Variants in SNW1 observed in about 807,000 individuals in gnomAD.
SNW1 encodes SNW domain-containing protein 1.
SNW1 carries 9 observed loss-of-function variants against 75.6 expected under a neutral mutation model. The ratio of observed to expected loss-of-function variants is 0.12; its 90% CI spans 0.07 to 0.21. The LOEUF (loss-of-function observed/expected upper bound fraction) is 0.21. Ranked by LOEUF, SNW1 falls within the 10% of genes least tolerant of loss-of-function variation. SNW1 has a pLI of 1.00. For synonymous variants in SNW1, 200 were observed against 219.1 expected, an observed-to-expected ratio of 0.91 and a Z score of 0.77; for missense variants, 409 against 670.9, an observed-to-expected ratio of 0.61 and a Z score of 4.31.
At chr14:77,745,618 A>C (rs1376388306) in intron 3 of SNW1, among the ~76,000 whole-genome samples, 1 of 151,974 alleles carries the variant, frequency 6.6e-6, no homozygotes, top group African/African-American at 2.4e-5. Context: ...GAGGCAGGAG[A>C]ACTGCTTGAA....
Position 77,731,746 on chromosome 14 carries a change from A to G in SNW1, c.892-617T>C, listed in dbSNP as rs1335811866. ...AATTCCATAATATTTATATTTACAT[A>G]TATTTTTTGAGATGAAGTGTCTTAC... On this transcript the variant is annotated intron_variant, in intron 9 of 13. Coordinates refer to ENST00000261531, the MANE Select transcript of SNW1 (RefSeq NM_012245.3). 3.3e-5 allele frequency among the ~76,000 whole-genome samples: 5 copies of G among 152,114 alleles called. No individual in the cohort carries two copies. In the East Asian group the frequency reaches 9.6e-4, roughly 29 times the overall value.
chr14:77,745,294 A>G (rs765068958), intron 3 of SNW1, among the ~76,000 whole-genome samples: 1 of 152,182 alleles, frequency 6.6e-6, no homozygotes, highest in African/African-American at 2.4e-5. Flanking sequence ...CAGAGAATGA[A>G]TAAGGGTAGA....
chr14:77,738,999 G>C lies in SNW1; in HGVS notation c.393C>G (p.Asp131Glu). ...PKEVMNADDP[D>E]LQRPDEEAIK... Reference sequence around the variant, plus strand: ...TAGCTTCTTCATCGGGCCTTTGCAGGTCTGGATCATCTGCATTCATAACCT... The same window carrying C: ...TAGCTTCTTCATCGGGCCTTTGCAGCTCTGGATCATCTGCATTCATAACCT... Residue 131 changes from aspartate (D) to glutamate (E), a missense_variant, in exon 4 of 14, where the codon GAC (aspartate) becomes GAG (glutamate). Asp to Glu is a conservative substitution (Grantham distance 45). Transcript: ENST00000261531. The C allele has an allele frequency of 6.2e-7, 1 of 1,613,992 alleles. No homozygotes were observed. The highest frequency in any genetic ancestry group is 8.5e-7 in the Non-Finnish European group (1 of 1,179,914).
chr14:77,725,254 T>C (rs981010803), intron 10 of SNW1, among the ~76,000 whole-genome samples: 1 of 152,262 alleles, frequency 6.6e-6, no homozygotes. Context: ...CTTAAATGGA[T>C]ATTTTGCAAC....
intron 5 of SNW1, among the ~76,000 whole-genome samples, chr14:77,738,057 C>A (rs1486286353): frequency 1.3e-5 from 2 of 150,322 alleles, no homozygotes; most frequent in Admixed American, 1.3e-4. Context: ...ATAATCCCAG[C>A]ACTTTGGGAC....
chr14:77,725,253 A>T (rs1315174736), intron 10 of SNW1, among the ~76,000 whole-genome samples: 2 of 152,182 alleles, frequency 1.3e-5, no homozygotes, highest in Non-Finnish European at 2.9e-5. Context: ...TCTTAAATGG[A>T]TATTTTGCAA....
chr14:77,726,675 G>A (rs796962100), intron 10 of SNW1, among the ~76,000 whole-genome samples: 9 of 152,188 alleles, frequency 5.9e-5, no homozygotes, highest in African/African-American at 1.9e-4. Flanking sequence ...TTAGCCAGGC[G>A]TGGTGGTGTG....
At chr14:77,744,418 G>A (rs1328016675) in intron 3 of SNW1, among the ~76,000 whole-genome samples, 1 of 122,538 alleles carries the variant, frequency 8.2e-6, no homozygotes, top group Non-Finnish European at 1.6e-5. Context: ...TTGCACTCCA[G>A]CCTGGGCAAC....
chr14:77,758,244 G>A (rs2080857820), intron 1 of SNW1, among the ~76,000 whole-genome samples: 1 of 149,444 alleles, frequency 6.7e-6, no homozygotes, highest in African/African-American at 2.5e-5. Flanking sequence ...CTTGAACCTG[G>A]GAGGTGGAGT....
intron 1 of SNW1, chr14:77,760,862 T>G (rs1314376804): frequency 1.3e-6 from 1 of 798,234 alleles, no homozygotes; most frequent in African/African-American, 1.7e-5. Context: ...AACCCACTCT[T>G]CAGTGTCTGA....
intron 1 of SNW1, among the ~76,000 whole-genome samples, chr14:77,757,919 C>CATCTATCTATCTATCTATCT (rs71128671): frequency 3.4e-5 from 5 of 147,574 alleles, no homozygotes; most frequent in East Asian, 2.0e-4. Context: ...TCAATCTAAT[C>CATCTATCTATCTATCTATCT]ATCTATCTAT....
chr14:77,725,930 T>A (rs967432181), intron 10 of SNW1, among the ~76,000 whole-genome samples: 10 of 152,252 alleles, frequency 6.6e-5, no homozygotes, highest in Admixed American at 2.0e-4. Context: ...CAATCAAAAA[T>A]TCCATGCATT....
chr14:77,755,744 C>CT (rs61404145), intron 1 of SNW1, among the ~76,000 whole-genome samples: 18,309 of 144,012 alleles, frequency 0.13, 1,464 homozygotes, highest in African/African-American at 0.23. Flanking sequence ...TATTTCTTTC[C>CT]TTTTTTTTTT....
At chr14:77,748,331 T>C (rs930885938) in intron 3 of SNW1, among the ~76,000 whole-genome samples, 2 of 152,164 alleles carry the variant, frequency 1.3e-5, no homozygotes, top group African/African-American at 4.8e-5. Context: ...CTTGTTTATC[T>C]GCTGACCTTC....
At chr14:77,720,313 T>G (rs184761815) in intron 12 of SNW1, among the ~76,000 whole-genome samples, 4 of 152,230 alleles carry the variant, frequency 2.6e-5, no homozygotes, top group African/African-American at 9.6e-5. Context: ...TTTCGTATTT[T>G]TAGTAGAGAT....
chr14:77,756,369 T>C lies in SNW1; in HGVS notation c.15-1249A>G, dbSNP rs1045095800. On this transcript the variant is annotated intron_variant, in intron 1 of 13. Coordinates refer to ENST00000261531, the MANE Select transcript of SNW1 (RefSeq NM_012245.3). The stretch of plus-strand genomic sequence containing the variant: ...GTCTCGAACTCCTGACCTCAAGTGA[T>C]CCATCAGCCTCCATCTCCCAAAGTA... Among the ~76,000 whole-genome samples the C allele has an allele frequency of 2.6e-5, 4 of 152,212 alleles. No homozygotes were observed. In the South Asian group the frequency reaches 8.3e-4, roughly 32 times the overall value.
chr14:77,759,898 G>A (rs1045846734), intron 1 of SNW1, among the ~76,000 whole-genome samples: 8 of 151,936 alleles, frequency 5.3e-5, no homozygotes, highest in African/African-American at 4.8e-5. Context: ...CAGGAGGACT[G>A]CTTGAGGCCA....
intron 3 of SNW1, among the ~76,000 whole-genome samples, chr14:77,747,212 C>T: frequency 6.6e-6 from 1 of 152,232 alleles, no homozygotes; most frequent in Non-Finnish European, 1.5e-5. Context: ...GTCTCACTCA[C>T]TCAGTGCTCA....
intron 3 of SNW1, among the ~76,000 whole-genome samples, chr14:77,745,542 A>T (rs2080754298): frequency 6.6e-6 from 1 of 151,916 alleles, no homozygotes; most frequent in Non-Finnish European, 1.5e-5. Flanking sequence ...ACCCATCTCT[A>T]CTAAAAAGAC....
Sources: gnomAD v4.1 joint callset for allele counts (sites outside exome capture counted in the v4.1 genomes callset) on GRCh38, gnomAD v4.1.1 for gene constraint, MANE v1.5 for transcripts, NCBI Gene and HGNC (gene_info 2026-07-23, HGNC 2026-07-21) for gene names.